The following CNOT4 variants were observed in gnomAD, a reference collection of about 807,000 sequenced individuals.
The protein encoded by CNOT4 is CCR4-NOT transcription complex subunit 4, also known as CCR4-associated factor 4.
Under a neutral mutation model 73.8 loss-of-function variants are expected in CNOT4, and 8 were observed. The observed-to-expected ratio is 0.11, with a 90% confidence interval of 0.06 to 0.20. The LOEUF (loss-of-function observed/expected upper bound fraction) is 0.20, where lower values mean the gene tolerates loss of function less well. CNOT4 is among the 10% of genes least tolerant of loss of function. The pLI is 1.00. For synonymous variants in CNOT4, 293 were observed against 321.1 expected, an observed-to-expected ratio of 0.91 and a Z score of 0.94; for missense variants, 564 against 883.4, an observed-to-expected ratio of 0.64 and a Z score of 4.58.
intron 10 of CNOT4, among the ~76,000 whole-genome samples, chr7:135,370,699 A>G (rs940326025): frequency 6.6e-6 from 1 of 152,206 alleles, no homozygotes; most frequent in African/African-American, 2.4e-5. Flanking sequence ...ACTTGAGAAG[A>G]GCTGGAAAGT....
chr7:135,489,626 C>T (rs529506582), intron 1 of CNOT4, among the ~76,000 whole-genome samples: 1 of 151,962 alleles, frequency 6.6e-6, no homozygotes, highest in Non-Finnish European at 1.5e-5. Flanking sequence ...GAACTCCTGA[C>T]CTCGTGTGAT....
At chr7:135,433,558 A>G (rs1489800380) in intron 2 of CNOT4, among the ~76,000 whole-genome samples, 2 of 151,728 alleles carry the variant, frequency 1.3e-5, no homozygotes, top group African/African-American at 2.4e-5. Flanking sequence ...AGGCCTCGCC[A>G]TGTTACCCAG....
At chr7:135,388,913 T>C (rs1403667255) in intron 10 of CNOT4, 2 of 1,611,744 alleles carry the variant, frequency 1.2e-6, no homozygotes, top group South Asian at 2.2e-5. Flanking sequence ...AAGTCAGTCA[T>C]GGTCTAGTTA....
Position 135,454,164 on chromosome 7 carries a change from T to C in CNOT4, c.-92-15741A>G, listed in dbSNP as rs774396881. 7.2e-5 allele frequency among the ~76,000 whole-genome samples: 11 copies of C among 152,018 alleles called. No homozygotes were observed. The East Asian group carries it at 1.7e-3, about 24-fold the overall frequency. On this transcript the variant is annotated intron_variant, in intron 1 of 11. Transcript: ENST00000541284. ...AACATTTGTTCCTCTCTAATCTCCA[T>C]GTGTGCCTCACTTCTATTATGACTC...
intron 1 of CNOT4, among the ~76,000 whole-genome samples, chr7:135,464,483 T>TA (rs1224830511): frequency 1.1e-4 from 17 of 152,028 alleles, no homozygotes; most frequent in Non-Finnish European, 2.2e-4. Context: ...AGCTAAATGA[T>TA]AAAAAACTTA....
intron 8 of CNOT4, 80 bp from the exon 9 acceptor site, chr7:135,395,963 T>A (rs369784414): frequency 9.9e-6 from 9 of 905,022 alleles, no homozygotes; most frequent in Non-Finnish European, 1.6e-5. Flanking sequence ...TGCAACTAAA[T>A]GTATTAGAAT....
At chr7:135,418,047 A>G (rs542813562) in intron 3 of CNOT4, among the ~76,000 whole-genome samples, 1 of 152,328 alleles carries the variant, frequency 6.6e-6, no homozygotes, top group East Asian at 1.9e-4. Flanking sequence ...TGTCTTAAAT[A>G]ATGCCTGGCA....
chr7:135,467,717 T>TC (rs2129486587), intron 1 of CNOT4, among the ~76,000 whole-genome samples: 1 of 150,914 alleles, frequency 6.6e-6, no homozygotes, highest in East Asian at 2.0e-4. Flanking sequence ...TCTCCAAAAA[T>TC]TTTTTTAATT....
intron 1 of CNOT4, among the ~76,000 whole-genome samples, chr7:135,464,490 C>A (rs1267828001): frequency 6.6e-6 from 1 of 152,052 alleles, no homozygotes; most frequent in Non-Finnish European, 1.5e-5. Flanking sequence ...TGATAAAAAA[C>A]TTATGAATAC....
chr7:135,457,758 A>C (rs945167645), intron 1 of CNOT4, among the ~76,000 whole-genome samples: 1 of 152,114 alleles, frequency 6.6e-6, no homozygotes, highest in Non-Finnish European at 1.5e-5. Context: ...AGCAACAATT[A>C]GAAAAAATAT....
chr7:135,368,732 A>G (rs1349922462), intron 10 of CNOT4, among the ~76,000 whole-genome samples: 1 of 152,206 alleles, frequency 6.6e-6, no homozygotes, highest in Admixed American at 6.5e-5. Flanking sequence ...GTATTTCTGC[A>G]TAACACTGTA....
intron 1 of CNOT4, among the ~76,000 whole-genome samples, chr7:135,462,130 T>A (rs770557481): frequency 2.6e-5 from 4 of 151,564 alleles, no homozygotes; most frequent in African/African-American, 9.7e-5. Context: ...AAAAGGAAAA[T>A]TTTTAAAAGA....
At chr7:135,427,445 T>C (rs1366433443) in intron 2 of CNOT4, among the ~76,000 whole-genome samples, 2 of 152,212 alleles carry the variant, frequency 1.3e-5, no homozygotes, top group Non-Finnish European at 2.9e-5. Context: ...TCATTCTTTT[T>C]CTAATTTTTG....
intron 7 of CNOT4, among the ~76,000 whole-genome samples, chr7:135,406,821 G>A (rs1797315378): frequency 6.6e-6 from 1 of 152,038 alleles, no homozygotes; most frequent in Admixed American, 6.5e-5. Context: ...TTATGAATGT[G>A]CTCTATGGAC....
intron 2 of CNOT4, among the ~76,000 whole-genome samples, chr7:135,433,812 C>T (rs778855155): frequency 1.4e-4 from 21 of 152,184 alleles, no homozygotes; most frequent in Non-Finnish European, 2.2e-4. Context: ...CCTATGTTCC[C>T]ATATCTGCTG....
chr7:135,420,047 C>CAAACAAACA (rs1554431740), intron 3 of CNOT4, among the ~76,000 whole-genome samples: 2,210 of 152,022 alleles, frequency 0.015, 59 homozygotes, highest in African/African-American at 0.05. Context: ...CAAACAACAA[C>CAAACAAACA]AAAAACCCTC....
chr7:135,459,545 T>C (rs1412717123), intron 1 of CNOT4, among the ~76,000 whole-genome samples: 1 of 152,242 alleles, frequency 6.6e-6, no homozygotes, highest in Admixed American at 6.5e-5. Flanking sequence ...ACATGAAATA[T>C]AATCATCTGT....
intron 10 of CNOT4, among the ~76,000 whole-genome samples, chr7:135,379,959 C>T (rs1228039157): frequency 6.6e-6 from 1 of 151,780 alleles, no homozygotes; most frequent in Non-Finnish European, 1.5e-5. Flanking sequence ...AAGTGCAGTC[C>T]TTGGGCCAAG....
chr7:135,405,634 T>C lies in CNOT4; in HGVS notation c.821+4881A>G, dbSNP rs116444478. ...AGTTCAAAACTCATTAAGACTGATA[T>C]ACTCTCGAATTCATAATAATGAAGG... is the stretch of plus-strand genomic sequence containing the variant. On this transcript the variant is annotated intron_variant, in intron 7 of 11. Coordinates refer to ENST00000541284, the MANE Select transcript of CNOT4 (RefSeq NM_001190850.2). Among the ~76,000 whole-genome samples the C allele has an allele frequency of 5.3e-3, 801 of 152,350 alleles. 5 individuals carry two copies. The highest frequency in any genetic ancestry group is 0.018 in the African/African-American group (760 of 41,588).
Sources: allele counts gnomAD v4.1 joint callset (sites outside exome capture counted in the v4.1 genomes callset), GRCh38; gene constraint gnomAD v4.1.1; transcripts MANE v1.5; gene names NCBI Gene and HGNC (gene_info 2026-07-23, HGNC 2026-07-21).